Variants in IBTK observed in about 807,000 individuals in gnomAD.
IBTK encodes inhibitor of Bruton tyrosine kinase.
IBTK carries 83 observed loss-of-function variants against 154.9 expected under a neutral mutation model. That is an observed-to-expected ratio of 0.54 (90% confidence interval 0.45 to 0.64). The LOEUF is 0.64. IBTK is among the 30% of genes least tolerant of loss of function. IBTK has a pLI of 0.00. For missense variants in IBTK, 1,332 were observed against 1,584.6 expected, an observed-to-expected ratio of 0.84 and a Z score of 2.71; for synonymous variants, 515 against 536.1, an observed-to-expected ratio of 0.96 and a Z score of 0.54.
chr6:82,179,904 G>A (rs947104823), intron 26 of IBTK, among the ~76,000 whole-genome samples: 2 of 152,174 alleles, frequency 1.3e-5, no homozygotes, highest in Non-Finnish European at 2.9e-5. Flanking sequence ...TAGTTTTCAG[G>A]CTTCTGAAAT....
rs569493292 is a variant in IBTK, at chr6:82,247,711, T to C, written c.-507A>G. The C allele has an allele frequency of 1.8e-4, 70 of 398,180 alleles. No homozygotes were observed. The highest frequency in any genetic ancestry group is 1.3e-3 in the African/African-American group (61 of 48,714). 24.7% of individuals were successfully genotyped at this position (398,180 alleles called of 1,614,324 possible). A position where few individuals can be genotyped will look rare whatever the true frequency, so the allele number is the denominator to read the frequency against. ...GGGTCAGTTCGGCAGGCGGCTGCAA[T>C]ACAGCCGCTACTACAGGAATCGGGA... is the stretch of plus-strand genomic sequence containing the variant. On this transcript the variant is annotated 5_prime_UTR_variant, in exon 1 of 29. Coordinates refer to ENST00000306270, the MANE Select transcript of IBTK (RefSeq NM_015525.4).
chr6:82,173,345 A>T (rs1235517268), intron 27 of IBTK, 22 bp downstream of exon 27: 1 of 1,580,786 alleles, frequency 6.3e-7, no homozygotes. Context: ...TTGGAGGCCC[A>T]TAACTTATCA....
chr6:82,179,585 A>G (rs1205717918), intron 26 of IBTK, among the ~76,000 whole-genome samples: 2 of 152,232 alleles, frequency 1.3e-5, no homozygotes, highest in African/African-American at 4.8e-5. Context: ...TTCAAGTATG[A>G]TGAGTCACAT....
rs932347907 is a variant in IBTK at position 82,240,716 on chromosome 6, T to C, written c.-230A>G. 6.2e-6 allele frequency: 3 copies of C among 480,196 alleles called. No homozygotes were observed. Among genetic ancestry groups the C allele is most frequent in the Non-Finnish European group, 1.1e-5 (3 of 275,762 alleles). The allele number at this position is 480,196 out of a possible 1,614,324, so 29.7% of individuals were successfully genotyped here. A position where few individuals can be genotyped will look rare whatever the true frequency, so the allele number is the denominator to read the frequency against. On this transcript the variant is annotated 5_prime_UTR_variant, in exon 2 of 29. Coordinates refer to ENST00000306270, the MANE Select transcript of IBTK (RefSeq NM_015525.4). ...CTATAAAGTTCATATCAAATACAAG[T>C]TCTTCATTTAAAAAAATTCCACAGT...
intron 2 of IBTK, 70 bp downstream of exon 2, chr6:82,240,096 G>A (rs915795041): frequency 3.1e-5 from 41 of 1,310,400 alleles, no homozygotes; most frequent in Middle Eastern, 1.9e-4. Context: ...AAGCATGTAG[G>A]ATGTATGAAA....
chr6:82,232,247 C>T (rs967475708), intron 3 of IBTK, among the ~76,000 whole-genome samples: 6 of 152,014 alleles, frequency 3.9e-5, no homozygotes, highest in Non-Finnish European at 8.8e-5. Flanking sequence ...AGTAAAACAC[C>T]ACCGGCCATA....
chr6:82,182,116 C>A, intron 25 of IBTK, 88 bp from the exon 26 acceptor site: 1 of 1,308,868 alleles, frequency 7.6e-7, no homozygotes. Context: ...AGAACGTATA[C>A]CAAAAATTTT....
At chr6:82,171,857 G>T (rs1767937513) in intron 28 of IBTK, among the ~76,000 whole-genome samples, 1 of 152,280 alleles carries the variant, frequency 6.6e-6, no homozygotes, top group South Asian at 2.1e-4. Flanking sequence ...GCTTTATTCT[G>T]TGAGATACTT....
At chr6:82,211,340 C>T (rs758986302) in intron 15 of IBTK, 27 bp downstream of exon 15, 8 of 1,570,332 alleles carry the variant, frequency 5.1e-6, no homozygotes, top group African/African-American at 1.4e-5. Flanking sequence ...TAGTTACCAA[C>T]CTAGGCGCTT....
rs562480690 is a variant in IBTK, at chr6:82,216,264, AT to A, written c.1427-15del. The stretch of plus-strand genomic sequence containing the variant: ...TTGATAAAATCTCTGTTAAAAAAAA[AT>A]AAACTACCATTAATCAAGGCTTTAC... On this transcript the variant is annotated splice_polypyrimidine_tract_variant and intron_variant, in intron 10 of 28. Coordinates refer to ENST00000306270, the MANE Select transcript of IBTK (RefSeq NM_015525.4). 1.4e-4 allele frequency: 214 copies of A among 1,516,468 alleles called. No individual in the cohort carries two copies. In the East Asian group the frequency reaches 4.7e-3, roughly 33 times the overall value. 93.9% of individuals were successfully genotyped at this position (1,516,468 alleles called of 1,614,324 possible). A position where few individuals can be genotyped will look rare whatever the true frequency, so the allele number is the denominator to read the frequency against.
At position 82,189,396 on chromosome 6, in the gene IBTK, C is replaced by T. The variant is rs142133376; in HGVS notation, c.3575+1677G>A. ...CCAAATGATTTCCAATTTAGAATCCCGTTCCCATCTATCAGTCAAGAAGAA... is the reference window on the plus strand; with the variant it reads ...CCAAATGATTTCCAATTTAGAATCCTGTTCCCATCTATCAGTCAAGAAGAA... On this transcript the variant is annotated intron_variant, in intron 25 of 28. Coordinates refer to ENST00000306270, the MANE Select transcript of IBTK (RefSeq NM_015525.4). Among the ~76,000 whole-genome samples, 399 of 152,138 alleles carry T rather than the reference C, an allele frequency of 2.6e-3. 1 individual carries two copies. Among genetic ancestry groups the T allele is most frequent in the African/African-American group, 9.3e-3 (385 of 41,522 alleles).
chr6:82,225,007 T>A (rs1562100094), intron 6 of IBTK, among the ~76,000 whole-genome samples: 1 of 151,900 alleles, frequency 6.6e-6, no homozygotes, highest in South Asian at 2.1e-4. Context: ...CTGTTAAAAA[T>A]AAAGACAACA....
At chr6:82,181,268 T>C (rs371372943) in intron 26 of IBTK, among the ~76,000 whole-genome samples, 13 of 151,930 alleles carry the variant, frequency 8.6e-5, no homozygotes, top group Non-Finnish European at 1.6e-4. Flanking sequence ...AGAGAAAAAA[T>C]TGCAAATACC....
chr6:82,226,788 T>G lies in IBTK; in HGVS notation c.654+404A>C, dbSNP rs570381709. On this transcript the variant is annotated intron_variant, in intron 5 of 28. Coordinates refer to ENST00000306270, the MANE Select transcript of IBTK (RefSeq NM_015525.4). Reference sequence around the variant, plus strand: ...TGCCCAGCTAATTTTGTATTTTTAATAGAGACAGGGTTTCTCCATGTTGGC... The same window carrying G: ...TGCCCAGCTAATTTTGTATTTTTAAGAGAGACAGGGTTTCTCCATGTTGGC... 2.4e-3 allele frequency among the ~76,000 whole-genome samples: 365 copies of G among 152,188 alleles called. 2 individuals carry two copies. The highest frequency in any genetic ancestry group is 8.1e-3 in the African/African-American group (336 of 41,534).
chr6:82,198,935 A>G (rs1229009794), intron 21 of IBTK, among the ~76,000 whole-genome samples: 1 of 152,174 alleles, frequency 6.6e-6, no homozygotes, highest in African/African-American at 2.4e-5. Flanking sequence ...TACTAGTTAG[A>G]AGAGACTAAA....
rs1768332239 is a variant in IBTK at position 82,181,900 on chromosome 6, G to A, written c.3704C>T (p.Ser1235Phe). ...KKVSFKGIEN[S>F]QAPKIVRCST... ...TTACCTGACAATTTTTGGTGCCTGAGAATTTTCAATTCCTTTAAAAGAAAC... is the reference window on the plus strand; with the variant it reads ...TTACCTGACAATTTTTGGTGCCTGAAAATTTTCAATTCCTTTAAAAGAAAC... The change falls in exon 26 of 29, where the codon TCT (serine) becomes TTT (phenylalanine). Residue 1235 changes from serine to phenylalanine, a missense_variant. Coordinates refer to ENST00000306270, the MANE Select transcript of IBTK (RefSeq NM_015525.4). The A allele has an allele frequency of 6.3e-7, 1 of 1,581,134 alleles. No individual in the cohort carries two copies. The highest frequency in any genetic ancestry group is 8.5e-7 in the Non-Finnish European group (1 of 1,171,316).
chr6:82,232,972 A>C lies in IBTK; in HGVS notation c.419-1130T>G, dbSNP rs192206925. Among the ~76,000 whole-genome samples, 391 of 152,188 alleles carry C rather than the reference A, an allele frequency of 2.6e-3. 1 individual carries two copies. Among genetic ancestry groups the C allele is most frequent in the Non-Finnish European group, 4.2e-3 (283 of 67,996 alleles). On this transcript the variant is annotated intron_variant, in intron 3 of 28. Coordinates refer to ENST00000306270, the MANE Select transcript of IBTK (RefSeq NM_015525.4). ...GTTCGAGACCAACCTGACCAACATG[A>C]AGAAACTGCATCTCTACTAAAAATA...
chr6:82,215,486 C>A (rs899000675), intron 11 of IBTK, among the ~76,000 whole-genome samples: 3 of 151,982 alleles, frequency 2.0e-5, no homozygotes, highest in Non-Finnish European at 4.4e-5. Context: ...GTACATCATA[C>A]AGTATGAAAG....
At chr6:82,235,471 A>G (rs1250375481) in intron 2 of IBTK, among the ~76,000 whole-genome samples, 1 of 151,978 alleles carries the variant, frequency 6.6e-6, no homozygotes, top group Non-Finnish European at 1.5e-5. Context: ...GTGCATGCCT[A>G]TAATCCCAGC....
Sources: gnomAD v4.1 joint callset for allele counts (sites outside exome capture counted in the v4.1 genomes callset) on GRCh38, gnomAD v4.1.1 for gene constraint, MANE v1.5 for transcripts, NCBI Gene and HGNC (gene_info 2026-07-23, HGNC 2026-07-21) for gene names.